Variants in SH3BP5 observed in about 807,000 individuals in gnomAD.
SH3BP5 encodes the protein SH3 domain binding protein 5, also known as SH3 domain-binding protein 5.
SH3BP5 carries 22 observed loss-of-function variants against 43.3 expected under a neutral mutation model. The observed-to-expected ratio is 0.51, with a 90% CI of 0.36 to 0.73. The LOEUF (loss-of-function observed/expected upper bound fraction) is 0.73, where lower values mean the gene tolerates loss of function less well. Ranked by LOEUF, SH3BP5 falls within the 30% of genes least tolerant of loss-of-function variation. SH3BP5 has a pLI of 0.00. For missense variants in SH3BP5, 529 were observed against 586.9 expected (o/e 0.90, Z 1.02); for synonymous variants, 255 against 225.8 (o/e 1.13, Z -1.16).
intron 2 of SH3BP5, among the ~76,000 whole-genome samples, chr3:15,330,194 G>A (rs770254638): frequency 2.0e-5 from 3 of 152,198 alleles, no homozygotes; most frequent in Admixed American, 1.3e-4. Flanking sequence ...TAAAGAGTTC[G>A]GCTAATTTTC....
At chr3:15,294,330 TGC>T (rs71045148) in intron 3 of SH3BP5, among the ~76,000 whole-genome samples, 32 of 121,570 alleles carry the variant, frequency 2.6e-4, no homozygotes, top group African/African-American at 1.1e-3. Flanking sequence ...TGTGTGTGTG[TGC>T]GCGCGCATGT....
At chr3:15,302,218 C>T (rs9816987) in intron 3 of SH3BP5, among the ~76,000 whole-genome samples, 7,017 of 152,162 alleles carry the variant, frequency 0.046, 508 homozygotes, top group African/African-American at 0.16. Flanking sequence ...ATTAATCCAA[C>T]GTGGACACTT....
At chr3:15,269,501 G>C (rs1054741242) in intron 4 of SH3BP5, among the ~76,000 whole-genome samples, 5 of 152,158 alleles carry the variant, frequency 3.3e-5, no homozygotes, top group Admixed American at 3.3e-4. Flanking sequence ...GGAAGGAGCA[G>C]CTCTCGCTGT....
chr3:15,320,357 A>G (rs888285903), intron 2 of SH3BP5, among the ~76,000 whole-genome samples: 6 of 152,120 alleles, frequency 3.9e-5, no homozygotes, highest in African/African-American at 1.4e-4. Flanking sequence ...AATAGAACAA[A>G]ATTTTTTCCA....
At position 15,256,203 on chromosome 3, in the gene SH3BP5, T is replaced by G; in HGVS notation, c.1251A>C (p.Gln417His). ...SSGSGGSSKS[Q>H]SSTSPEGQAL... ...CCTGGCCCTCAGGGGAGGTGCTGCT[T>G]TGGCTCTTACTGCTGCCACCACTGC... Residue 417 changes from glutamine (Q) to histidine (H), a missense_variant, in exon 9 of 9, where the codon CAA becomes CAC. Gln to His is a conservative substitution (Grantham distance 24). Around this residue, in one of 3 missense-constraint regions of SH3BP5, gnomAD observed 369 missense variants for 384.3 expected, o/e 0.96. Transcript: ENST00000383791. 6.2e-7 allele frequency: 1 copy of G among 1,614,206 alleles called. No individual in the cohort carries two copies.
At chr3:15,299,774 T>G (rs1031683161) in intron 3 of SH3BP5, among the ~76,000 whole-genome samples, 1 of 151,844 alleles carries the variant, frequency 6.6e-6, no homozygotes, top group Non-Finnish European at 1.5e-5. Context: ...TTTTTCCCTT[T>G]TAAGTACCCT....
intron 2 of SH3BP5, among the ~76,000 whole-genome samples, chr3:15,314,535 A>C (rs1698139125): frequency 6.6e-6 from 1 of 152,152 alleles, no homozygotes; most frequent in Non-Finnish European, 1.5e-5. Context: ...CAAACCAGAA[A>C]GGCCAAGGCA....
rs574390570 is a variant in SH3BP5 at position 15,266,413 on chromosome 3, G to C, written c.495+3300C>G. On this transcript the variant is annotated intron_variant, in intron 4 of 8. Coordinates refer to ENST00000383791, the MANE Select transcript of SH3BP5 (RefSeq NM_004844.5). ...CCTGGGGCTAGTTCAGAAACAGTTC[G>C]TGCCTCTCATTTCCAAGTCACATTT... 2.0e-5 allele frequency among the ~76,000 whole-genome samples: 3 copies of C among 152,270 alleles called. No individual in the cohort carries two copies. In the South Asian group the frequency reaches 6.2e-4, roughly 32 times the overall value.
At chr3:15,289,782 A>G (rs940919928) in intron 3 of SH3BP5, among the ~76,000 whole-genome samples, 1 of 152,008 alleles carries the variant, frequency 6.6e-6, no homozygotes, top group Non-Finnish European at 1.5e-5. Flanking sequence ...GGCATCTTAC[A>G]CCTCATGATT....
chr3:15,340,925 G>A (rs1246473625), intron 1 of SH3BP5, among the ~76,000 whole-genome samples: 1 of 151,840 alleles, frequency 6.6e-6, no homozygotes, highest in Non-Finnish European at 1.5e-5. Flanking sequence ...GGTGGTGCAT[G>A]TCTGTAATCC....
intron 5 of SH3BP5, chr3:15,260,004 AC>A: frequency 1.7e-6 from 1 of 605,000 alleles, no homozygotes; most frequent in Non-Finnish European, 3.0e-6. Context: ...GACTGGGCTC[AC>A]CCAGGGCTAT....
intron 6 of SH3BP5, chr3:15,259,379 A>G (rs1696346839): frequency 1.9e-6 from 1 of 514,818 alleles, no homozygotes; most frequent in South Asian, 2.1e-5. Context: ...GTGGTTCTCA[A>G]AGTTGAGCTT....
intron 3 of SH3BP5, among the ~76,000 whole-genome samples, chr3:15,296,874 A>G (rs1468773119): frequency 6.7e-6 from 1 of 149,748 alleles, no homozygotes; most frequent in South Asian, 2.1e-4. Context: ...AAAAAAAAAA[A>G]AAAAAAGAAA....
chr3:15,324,847 C>A (rs1698420658), intron 2 of SH3BP5, among the ~76,000 whole-genome samples: 1 of 143,720 alleles, frequency 7.0e-6, no homozygotes, highest in Non-Finnish European at 1.5e-5. Context: ...TACCATTGCT[C>A]CTTGGGTCCA....
intron 1 of SH3BP5, 31 bp from the exon 2 acceptor site, chr3:15,330,597 T>A: frequency 1.3e-6 from 2 of 1,543,888 alleles, no homozygotes; most frequent in Non-Finnish European, 1.8e-6. Flanking sequence ...AAAAAAAGAC[T>A]TAAGGGATCC....
chr3:15,337,462 T>C (rs1487545278), upstream of SH3BP5, among the ~76,000 whole-genome samples: 1 of 152,212 alleles, frequency 6.6e-6, no homozygotes, highest in East Asian at 1.9e-4. Flanking sequence ...GTTCTGTTTT[T>C]TGTTTTTAGA....
intron 2 of SH3BP5, among the ~76,000 whole-genome samples, chr3:15,312,419 G>A (rs1461036518): frequency 6.6e-6 from 1 of 151,874 alleles, no homozygotes; most frequent in Non-Finnish European, 1.5e-5. Context: ...TTTTTATATG[G>A]CAAATATTAA....
chr3:15,324,976 AT>A (rs1433862761), intron 2 of SH3BP5, among the ~76,000 whole-genome samples: 1 of 152,154 alleles, frequency 6.6e-6, no homozygotes, highest in East Asian at 1.9e-4. Context: ...AGAAACAAAG[AT>A]TTTTCAAACC....
intron 3 of SH3BP5, among the ~76,000 whole-genome samples, chr3:15,282,612 A>C (rs907741401): frequency 3.3e-5 from 5 of 151,702 alleles, no homozygotes; most frequent in Non-Finnish European, 7.4e-5. Flanking sequence ...CAAATGTTTT[A>C]AACCAATCAC....
Sources: allele counts gnomAD v4.1 joint callset (sites outside exome capture counted in the v4.1 genomes callset), GRCh38; gene constraint gnomAD v4.1.1; regional missense constraint gnomAD v4.1.1; transcripts MANE v1.5; gene names NCBI Gene and HGNC (gene_info 2026-07-23, HGNC 2026-07-21).